CNTN2: variants seen among roughly 807,000 people sequenced by gnomAD.
CNTN2 encodes the protein contactin 2, also known as contactin-2.
Under a neutral mutation model 117.5 loss-of-function variants are expected in CNTN2, and 53 were observed. The ratio of observed to expected loss-of-function variants is 0.45; its 90% confidence interval spans 0.36 to 0.57. CNTN2 has a LOEUF of 0.57. CNTN2 is among the 20% of genes least tolerant of loss of function. The probability of loss-of-function intolerance (pLI) is 0.00; values close to 1 mark genes in which losing one functional copy is unlikely to be tolerated. For synonymous variants in CNTN2, 530 were observed against 561.7 expected (o/e 0.94, Z 0.80); for missense variants, 1,106 against 1,404.3 (o/e 0.79, Z 3.39).
chr1:205,062,840 A>C, intron 10 of CNTN2: 6 of 236,030 alleles, frequency 2.5e-5, no homozygotes, highest in South Asian at 1.2e-4. Context: ...CAGAAACCAA[A>C]TCAATCAGAT....
Position 205,061,499 on chromosome 1 carries a change from CA to C in CNTN2, c.973+83del. On this transcript the variant is annotated intron_variant, in intron 8 of 22. Transcript: ENST00000331830. This position sits in a 1 kb window ranked among gnomAD's most constrained non-coding sequence, Gnocchi z 4.8. ...ACCCTTGTCCCCAAGGAAACAGACC[CA>C]AAAGTCAGGGAGGAGACTGGGAGGC... 1 of 1,452,248 alleles carries C rather than the reference CA, an allele frequency of 6.9e-7. No homozygotes were observed. Among genetic ancestry groups the C allele is most frequent in the African/African-American group, 1.4e-5 (1 of 71,188 alleles). 90.0% of individuals were successfully genotyped at this position (1,452,248 alleles called of 1,614,324 possible). A position where few individuals can be genotyped will look rare whatever the true frequency, so the allele number is the denominator to read the frequency against.
At chr1:205,055,011 G>A (rs2096458809) in intron 2 of CNTN2, among the ~76,000 whole-genome samples, 1 of 151,814 alleles carries the variant, frequency 6.6e-6, no homozygotes, top group Admixed American at 6.6e-5. Flanking sequence ...GTTGTTGTTT[G>A]CGGGTTTTGT....
At chr1:205,046,348 G>A (rs2096441564) in intron 1 of CNTN2, among the ~76,000 whole-genome samples, 1 of 152,160 alleles carries the variant, frequency 6.6e-6, no homozygotes, top group Admixed American at 6.5e-5. Flanking sequence ...CTACGTAGGT[G>A]GGGAAGTCAA....
At position 205,072,099 on chromosome 1, in the gene CNTN2, C is replaced by T; in HGVS notation, c.2697C>T (p.Ala899=). The T allele has an allele frequency of 6.2e-7, 1 of 1,613,132 alleles. No homozygotes were observed. Among genetic ancestry groups the T allele is most frequent in the African/African-American group, 1.3e-5 (1 of 74,992 alleles). The stretch of plus-strand genomic sequence containing the variant: ...ACAACCGGGCTGGCACTGGGCCTGC[C>T]AGCCCTTCTGCCAACGCCACGACCA... ...RAYNRAGTGP[A]SPSANATTMK... The change falls in exon 20 of 23, where the codon GCC becomes GCT. Residue 899 remains alanine, a synonymous_variant. Transcript: ENST00000331830.
chr1:205,059,284 G>T lies in CNTN2; in HGVS notation c.688G>T (p.Ala230Ser), dbSNP rs768781369. Reference protein sequence around the residue: ...VFSKFAQLNLAAEDTRLFAPS... With the variant: ...VFSKFAQLNLSAEDTRLFAPS... The stretch of plus-strand genomic sequence containing the variant: ...CAGCAAGTTTGCTCAGCTCAACCTG[G>T]CTGCTGAAGGTCAGGCTTGGCCAGG... The change falls in exon 6 of 23, where the codon GCT becomes TCT. Residue 230 changes from alanine to serine, a missense_variant. Ala to Ser is a moderately conservative substitution (Grantham distance 99). Transcript: ENST00000331830. The surrounding 1 kb of genome is among the most constrained non-coding windows in gnomAD (Gnocchi z 5.6). 3.7e-6 allele frequency: 6 copies of T among 1,613,708 alleles called. No homozygotes were observed. Among genetic ancestry groups the T allele is most frequent in the Admixed American group, 3.3e-5 (2 of 59,948 alleles).
At chr1:205,050,929 G>A (rs767172492) in intron 1 of CNTN2, among the ~76,000 whole-genome samples, 13 of 152,196 alleles carry the variant, frequency 8.5e-5, no homozygotes, top group Non-Finnish European at 1.8e-4. Flanking sequence ...TTCTGAGTAC[G>A]TTGAAGGTGG....
chr1:205,069,438 A>AT, intron 16 of CNTN2, 53 bp from the exon 17 acceptor site: 1 of 1,587,262 alleles, frequency 6.3e-7, no homozygotes, highest in Non-Finnish European at 8.6e-7. Context: ...CAGGGCTTTC[A>AT]TTTTTTCCTT....
In CNTN2 at chr1:205,064,358, G is replaced by A. The variant is rs143340514; in HGVS notation, c.1277G>A (p.Arg426His). Residue 426 changes from arginine to histidine, a missense_variant, in exon 11 of 23, where the codon CGT (arginine) becomes CAT (histidine). By Grantham distance (29) the Arg-to-His change is conservative. Transcript: ENST00000331830. ...GACTTCAGGCTGAATCCCGTGAGGC[G>A]TCTGATCCCCGCGGCCCGCGGGGGA... is the stretch of plus-strand genomic sequence containing the variant. ...APDFRLNPVRRLIPAARGGEI... is the reference protein window; with the variant it reads ...APDFRLNPVRHLIPAARGGEI... 36 of 1,602,676 alleles carry A rather than the reference G, an allele frequency of 2.2e-5. No individual in the cohort carries two copies. Among genetic ancestry groups the A allele is most frequent in the Admixed American group, 5.1e-5 (3 of 59,200 alleles).
rs773372516 is a variant in CNTN2 at position 205,061,890 on chromosome 1, C to T, written c.999C>T (p.Ile333=). The T allele has an allele frequency of 1.3e-6, 2 of 1,571,816 alleles. No homozygotes were observed. The highest frequency in any genetic ancestry group is 4.6e-5 in the East Asian group (2 of 43,778). The stretch of plus-strand genomic sequence containing the variant: ...CTCAGCCTGAGTGGCTAAAAGTGAT[C>T]TCGGACACAGAGGCTGACATTGGCT... ...VQAQPEWLKV[I]SDTEADIGSN... The change falls in exon 9 of 23, where the codon ATC becomes ATT. Residue 333 remains isoleucine, a synonymous_variant. Transcript: ENST00000331830. This position sits in a 1 kb window ranked among gnomAD's most constrained non-coding sequence, Gnocchi z 4.8.
chr1:205,061,217 C>T lies in CNTN2; in HGVS notation c.798-28C>T, dbSNP rs1331096312. On this transcript the variant is annotated intron_variant, in intron 7 of 22. Coordinates refer to ENST00000331830, the MANE Select transcript of CNTN2 (RefSeq NM_005076.5). This position sits in a 1 kb window ranked among gnomAD's most constrained non-coding sequence, Gnocchi z 4.8. ...GGAGGGGTAGGCCCAGCTCAGCCCACACCCTCTGGCTTTGTCTCTCCTGCC... is the reference window on the plus strand; with the variant it reads ...GGAGGGGTAGGCCCAGCTCAGCCCATACCCTCTGGCTTTGTCTCTCCTGCC... 1 of 1,585,154 alleles carries T rather than the reference C, an allele frequency of 6.3e-7. No homozygotes were observed. The highest frequency in any genetic ancestry group is 1.3e-5 in the African/African-American group (1 of 74,504).
At position 205,070,439 on chromosome 1, in the gene CNTN2, C is replaced by T. The variant is rs755394528; in HGVS notation, c.2445C>T (p.Ala815=). 16 of 1,613,444 alleles carry T rather than the reference C, an allele frequency of 9.9e-6. No individual in the cohort carries two copies. The highest frequency in any genetic ancestry group is 1.3e-5 in the Non-Finnish European group (15 of 1,179,738). The change falls in exon 19 of 23, where the codon GCC becomes GCT. Residue 815 remains alanine (A), a synonymous_variant. Coordinates refer to ENST00000331830, the MANE Select transcript of CNTN2 (RefSeq NM_005076.5). ...ATTGGTCCCCAGAGCCCAGGGTGGC[C>T]CCTACCAAGGTGTGGGCCAAAGGGG... ...VYSAEEEPRV[A]PTKVWAKGVS...
intron 1 of CNTN2, among the ~76,000 whole-genome samples, chr1:205,050,210 G>A (rs890387866): frequency 2.0e-5 from 3 of 152,008 alleles, no homozygotes; most frequent in African/African-American, 4.8e-5. Context: ...CCCTGCATTC[G>A]TATAGCATCC....
rs752441502 is a variant in CNTN2, at chr1:205,065,900, C to T, written c.1807C>T (p.Leu603=). 4 of 1,612,318 alleles carry T rather than the reference C, an allele frequency of 2.5e-6. No individual in the cohort carries two copies. The South Asian group carries it at 4.4e-5, about 18-fold the overall frequency. ...VDSASKEATV[L]VRGPPGPPGG... is the part of the protein sequence containing the mutation. ...CAGCGCGTCCAAGGAGGCCACAGTCCTGGTCCGAGGTGAGGGGTTTCCCAC... is the reference window on the plus strand; with the variant it reads ...CAGCGCGTCCAAGGAGGCCACAGTCTTGGTCCGAGGTGAGGGGTTTCCCAC... The change falls in exon 14 of 23, where the codon CTG becomes TTG. Residue 603 remains leucine, a synonymous_variant. Transcript: ENST00000331830. This position sits in a 1 kb window ranked among gnomAD's most constrained non-coding sequence, Gnocchi z 4.1.
chr1:205,066,816 G>C (rs1654316007), intron 15 of CNTN2, among the ~76,000 whole-genome samples: 1 of 152,168 alleles, frequency 6.6e-6, no homozygotes, highest in Non-Finnish European at 1.5e-5. Context: ...TAGAAGAGGA[G>C]GCGCTTGGTC....
intron 1 of CNTN2, among the ~76,000 whole-genome samples, chr1:205,045,104 G>A (rs2096439212): frequency 6.6e-6 from 1 of 152,084 alleles, no homozygotes. Flanking sequence ...AGAGACCACT[G>A]TGCTCACACC....
intron 17 of CNTN2, 73 bp downstream of exon 17, chr1:205,069,634 C>T: frequency 2.0e-6 from 3 of 1,519,160 alleles, no homozygotes; most frequent in Non-Finnish European, 2.7e-6. Flanking sequence ...GCAGAAAGGA[C>T]CACTGCACAG....
chr1:205,072,227 T>C (rs1433251471), intron 20 of CNTN2, 94 bp downstream of exon 20: 2 of 1,279,074 alleles, frequency 1.6e-6, no homozygotes, highest in Admixed American at 4.4e-5. Context: ...ACAAATGCTC[T>C]AGCCCACCAG....
chr1:205,072,247 G>C (rs1404201782), intron 20 of CNTN2, 114 bp downstream of exon 20: 2 of 1,151,600 alleles, frequency 1.7e-6, no homozygotes, highest in Admixed American at 4.8e-5. Context: ...GCTCTGGGCT[G>C]AACAGAAATT....
intron 2 of CNTN2, among the ~76,000 whole-genome samples, chr1:205,055,419 G>A (rs1230165574): frequency 6.6e-6 from 1 of 152,180 alleles, no homozygotes; most frequent in East Asian, 1.9e-4. Context: ...ATGGATGGCT[G>A]AGAGGCTGGA....
Sources: gnomAD v4.1 joint callset for allele counts (sites outside exome capture counted in the v4.1 genomes callset) on GRCh38, gnomAD v4.1.1 for gene constraint, Gnocchi (gnomAD v3.1) non-coding constraint, MANE v1.5 for transcripts, NCBI Gene and HGNC (gene_info 2026-07-23, HGNC 2026-07-21) for gene names.